FTO: variants seen among roughly 807,000 people sequenced by gnomAD.
FTO encodes the protein FTO alpha-ketoglutarate dependent dioxygenase.
Under a neutral mutation model 63.9 loss-of-function variants are expected in FTO, and 47 were observed. That is an observed-to-expected ratio of 0.74 (90% CI 0.58 to 0.94). FTO has a LOEUF of 0.94. Among genes scored for constraint, FTO ranks in the 40% least tolerant of loss-of-function variants. FTO has a pLI of 0.00. For synonymous variants in FTO, 207 were observed against 224.4 expected, an observed-to-expected ratio of 0.92 and a Z score of 0.69; for missense variants, 562 against 618.1, an observed-to-expected ratio of 0.91 and a Z score of 0.96.
intron 7 of FTO, among the ~76,000 whole-genome samples, chr16:53,920,342 C>A (rs1345093528): frequency 6.6e-6 from 1 of 152,152 alleles, no homozygotes; most frequent in Non-Finnish European, 1.5e-5. Context: ...CTTGGTTCTT[C>A]CTTCCTGTGC....
At chr16:53,874,694 C>T (rs1473819644) in intron 5 of FTO, among the ~76,000 whole-genome samples, 2 of 152,130 alleles carry the variant, frequency 1.3e-5, no homozygotes, top group Non-Finnish European at 2.9e-5. Context: ...GTCTATACGG[C>T]AGTGTTGTGT....
intron 8 of FTO, among the ~76,000 whole-genome samples, chr16:54,011,339 C>G (rs1169742725): frequency 6.6e-6 from 1 of 152,140 alleles, no homozygotes; most frequent in Non-Finnish European, 1.5e-5. Flanking sequence ...CACAATATAT[C>G]AACCCACTTT....
At chr16:54,066,341 G>A (rs146387965) in intron 8 of FTO, among the ~76,000 whole-genome samples, 28 of 152,244 alleles carry the variant, frequency 1.8e-4, no homozygotes, top group Non-Finnish European at 3.2e-4. Flanking sequence ...GACACAACTG[G>A]AAACGTATCC....
chr16:53,760,808 G>A (rs1394374116), intron 1 of FTO, among the ~76,000 whole-genome samples: 1 of 151,140 alleles, frequency 6.6e-6, no homozygotes, highest in Non-Finnish European at 1.5e-5. Flanking sequence ...TGTATTTTTA[G>A]TAGAGACAGG....
rs1162382418 is a variant in FTO, at chr16:54,112,777, A to C, written c.*862A>C. On this transcript the variant is annotated 3_prime_UTR_variant, in exon 9 of 9. Transcript: ENST00000471389. ...GGGAGTTCCCTTGATCTCTTGAAAGAGACACAGCCCCATTTACATTATTTC... is the reference window on the plus strand; with the variant it reads ...GGGAGTTCCCTTGATCTCTTGAAAGCGACACAGCCCCATTTACATTATTTC... 1 of 152,242 alleles carries C rather than the reference A, an allele frequency of 6.6e-6. No homozygotes were observed. Among genetic ancestry groups the C allele is most frequent in the Admixed American group, 6.5e-5 (1 of 15,278 alleles). 9.4% of individuals were successfully genotyped at this position (152,242 alleles called of 1,614,324 possible). A position where few individuals can be genotyped will look rare whatever the true frequency, so the allele number is the denominator to read the frequency against.
intron 8 of FTO, among the ~76,000 whole-genome samples, chr16:54,002,258 G>A (rs2084085260): frequency 6.6e-6 from 1 of 152,190 alleles, no homozygotes; most frequent in African/African-American, 2.4e-5. Context: ...AGGCTCAAGT[G>A]ATCCTCCGAC....
chr16:53,987,557 T>A (rs2083699426), intron 8 of FTO, among the ~76,000 whole-genome samples: 1 of 143,340 alleles, frequency 7.0e-6, no homozygotes, highest in Non-Finnish European at 1.5e-5. Flanking sequence ...CACTCAAGCC[T>A]GGGCCACAGA....
intron 1 of FTO, among the ~76,000 whole-genome samples, chr16:53,769,951 G>A (rs1432596755): frequency 2.6e-5 from 4 of 152,032 alleles, no homozygotes; most frequent in Non-Finnish European, 5.9e-5. Context: ...GTGTTTAGGG[G>A]TTTTTTATGG....
intron 8 of FTO, among the ~76,000 whole-genome samples, chr16:54,020,930 C>A (rs1207697842): frequency 6.6e-6 from 1 of 151,994 alleles, no homozygotes; most frequent in Non-Finnish European, 1.5e-5. Flanking sequence ...AAGATGGCAC[C>A]ACTGTACTCC....
At chr16:53,880,844 C>T (rs1487504629) in intron 6 of FTO, among the ~76,000 whole-genome samples, 2 of 149,156 alleles carry the variant, frequency 1.3e-5, no homozygotes, top group East Asian at 4.0e-4. Flanking sequence ...TGGCTCACGC[C>T]TATAATCCCA....
chr16:53,805,452 T>G (rs1055495852), intron 1 of FTO, among the ~76,000 whole-genome samples: 5 of 149,842 alleles, frequency 3.3e-5, no homozygotes, highest in Admixed American at 3.3e-4. Context: ...GGTTTTTTTT[T>G]TTTTTTTTTT....
At chr16:54,019,378 A>G (rs183760457) in intron 8 of FTO, among the ~76,000 whole-genome samples, 8 of 152,352 alleles carry the variant, frequency 5.3e-5, no homozygotes, top group African/African-American at 1.9e-4. Context: ...AGGCACCAAC[A>G]GTGCCTCCCA....
chr16:53,875,766 C>T (rs1000242090), intron 5 of FTO, among the ~76,000 whole-genome samples: 12 of 152,176 alleles, frequency 7.9e-5, no homozygotes, highest in African/African-American at 2.2e-4. Flanking sequence ...GACTTGTGAA[C>T]AGGAATGGTT....
At chr16:53,925,536 C>T (rs1243432079) in intron 7 of FTO, among the ~76,000 whole-genome samples, 1 of 152,018 alleles carries the variant, frequency 6.6e-6, no homozygotes, top group Admixed American at 6.6e-5. Flanking sequence ...TGTTTCCATG[C>T]ATTTCCTTAG....
At chr16:53,932,326 A>T (rs1055531532) in intron 7 of FTO, among the ~76,000 whole-genome samples, 28 of 150,482 alleles carry the variant, frequency 1.9e-4, no homozygotes, top group African/African-American at 6.8e-4. Context: ...TGGAGGTACT[A>T]TTTTCTGACT....
intron 4 of FTO, among the ~76,000 whole-genome samples, chr16:53,856,447 T>C (rs2079998733): frequency 6.6e-6 from 1 of 152,072 alleles, no homozygotes; most frequent in Non-Finnish European, 1.5e-5. Context: ...TGACTAGTTT[T>C]ATAAATCTTC....
chr16:53,714,352 T>C (rs1187388144), intron 1 of FTO, among the ~76,000 whole-genome samples: 1 of 152,244 alleles, frequency 6.6e-6, no homozygotes, highest in East Asian at 1.9e-4. Flanking sequence ...TGTTGCAACC[T>C]TAACTCACTC....
intron 8 of FTO, among the ~76,000 whole-genome samples, chr16:54,038,639 C>T (rs1485729327): frequency 6.6e-6 from 1 of 152,168 alleles, no homozygotes; most frequent in Non-Finnish European, 1.5e-5. Context: ...ACTGTCCTTG[C>T]AGTAATGAGT....
At chr16:53,938,759 T>C (rs2082450462) in intron 8 of FTO, among the ~76,000 whole-genome samples, 1 of 152,190 alleles carries the variant, frequency 6.6e-6, no homozygotes, top group South Asian at 2.1e-4. Flanking sequence ...AAGTATTTAA[T>C]GGTAGATGTC....
Sources: gnomAD v4.1 joint callset for allele counts (sites outside exome capture counted in the v4.1 genomes callset) on GRCh38, gnomAD v4.1.1 for gene constraint, MANE v1.5 for transcripts, NCBI Gene and HGNC (gene_info 2026-07-23, HGNC 2026-07-21) for gene names.